CDK8: variants seen among roughly 807,000 people sequenced by gnomAD.
The protein encoded by CDK8 is cyclin-dependent kinase 8.
In CDK8, 29 loss-of-function variants were observed where a neutral mutation model predicts 71.5. That is an observed-to-expected ratio of 0.41 (90% CI 0.30 to 0.55). The LOEUF (loss-of-function observed/expected upper bound fraction) is 0.55. CDK8 is among the 20% of genes least tolerant of loss of function. The probability of loss-of-function intolerance (pLI) is 0.37; values close to 1 mark genes in which losing one functional copy is unlikely to be tolerated. For synonymous variants in CDK8, 161 were observed against 192.1 expected (o/e 0.84, Z 1.34); for missense variants, 288 against 572.6 (o/e 0.50, Z 5.07).
rs574467713 is a variant in CDK8 at position 26,309,677 on chromosome 13, G to A, written c.129-27890G>A. ...TGTTTTCCCCCAATTCTAGGCTCGA[G>A]ATACCCTTAATGTGCTGAGTACTGT... On this transcript the variant is annotated intron_variant, in intron 1 of 12. Coordinates refer to ENST00000381527, the MANE Select transcript of CDK8 (RefSeq NM_001260.3). Among the ~76,000 whole-genome samples the A allele has an allele frequency of 3.7e-4, 56 of 152,206 alleles. 2 individuals are homozygous for A. In the South Asian group the frequency reaches 8.1e-3, roughly 22 times the overall value.
intron 7 of CDK8, among the ~76,000 whole-genome samples, chr13:26,393,760 T>G (rs1328350304): frequency 6.6e-6 from 1 of 152,206 alleles, no homozygotes; most frequent in Non-Finnish European, 1.5e-5. Context: ...TACTTTTTTG[T>G]TTTGTTATTT....
In CDK8 at chr13:26,254,866, G is replaced by GCTCTGACTTCCTCGACGCCGGC; in HGVS notation, c.128+103_128+124dup. On this transcript the variant is annotated intron_variant, in intron 1 of 12. Transcript: ENST00000381527. The surrounding 1 kb of genome is among the most constrained non-coding windows in gnomAD (Gnocchi z 6.7). Reference sequence around the variant, plus strand: ...GGAGAGCGGGCCGCCGGGGTGCCGGGCTCTGACTTCCTCGACGCCGGCCTC... The same window carrying GCTCTGACTTCCTCGACGCCGGC: ...GGAGAGCGGGCCGCCGGGGTGCCGGGCTCTGACTTCCTCGACGCCGGCCTCTGACTTCCTCGACGCCGGCCTC... 6.6e-7 allele frequency: 1 copy of GCTCTGACTTCCTCGACGCCGGC among 1,510,014 alleles called. No individual in the cohort carries two copies. The highest frequency in any genetic ancestry group is 8.9e-7 in the Non-Finnish European group (1 of 1,118,050). The allele number at this position is 1,510,014 out of a possible 1,614,324, so 93.5% of individuals were successfully genotyped here.
intron 1 of CDK8, among the ~76,000 whole-genome samples, chr13:26,309,116 T>C (rs1205373801): frequency 1.3e-5 from 2 of 151,612 alleles, no homozygotes; most frequent in Non-Finnish European, 2.9e-5. Flanking sequence ...TCATCATCAT[T>C]ATATCTATAT....
chr13:26,356,476 C>G (rs1025488201), intron 4 of CDK8, among the ~76,000 whole-genome samples: 1 of 152,134 alleles, frequency 6.6e-6, no homozygotes, highest in Non-Finnish European at 1.5e-5. Flanking sequence ...GTGTGTCTCA[C>G]GCACGCAGAA....
At chr13:26,366,750 G>A (rs1172610310) in intron 4 of CDK8, among the ~76,000 whole-genome samples, 1 of 152,158 alleles carries the variant, frequency 6.6e-6, no homozygotes, top group Non-Finnish European at 1.5e-5. Flanking sequence ...TCAGGTCAGT[G>A]TAGTTTAAGA....
At chr13:26,386,624 T>C (rs1482841944) in intron 6 of CDK8, among the ~76,000 whole-genome samples, 3 of 152,230 alleles carry the variant, frequency 2.0e-5, no homozygotes, top group Admixed American at 6.5e-5. Flanking sequence ...TATGTTCTCA[T>C]GTAAATTCCT....
Position 26,289,123 on chromosome 13 carries a change from C to T in CDK8, c.128+34354C>T, listed in dbSNP as rs186530974. On this transcript the variant is annotated intron_variant, in intron 1 of 12. Transcript: ENST00000381527. ...AGGCCGGAATGCAGTGGTGTGATCTCGGCTTACTGCAACCTCTGCCTTCCG... is the reference window on the plus strand; with the variant it reads ...AGGCCGGAATGCAGTGGTGTGATCTTGGCTTACTGCAACCTCTGCCTTCCG... Among the ~76,000 whole-genome samples the T allele has an allele frequency of 3.8e-4, 52 of 137,854 alleles. No individual in the cohort carries two copies. In the Admixed American group the frequency reaches 4.0e-3, roughly 11 times the overall value. 90.4% of individuals were successfully genotyped at this position (137,854 alleles called of 152,430 possible). A position where few individuals can be genotyped will look rare whatever the true frequency, so the allele number is the denominator to read the frequency against.
intron 4 of CDK8, among the ~76,000 whole-genome samples, chr13:26,361,918 CCA>C (rs1363181878): frequency 6.6e-6 from 1 of 150,848 alleles, no homozygotes; most frequent in Non-Finnish European, 1.5e-5. Flanking sequence ...GCCTGAGCCA[CCA>C]CACACAGCCA....
At chr13:26,382,982 A>G (rs1353205665) in intron 5 of CDK8, 111 bp downstream of exon 5, 1 of 584,988 alleles carries the variant, frequency 1.7e-6, no homozygotes, top group African/African-American at 1.9e-5. Flanking sequence ...GTAGTTCCAT[A>G]TGATCGAAGC....
At chr13:26,272,360 T>C (rs1872370682) in intron 1 of CDK8, among the ~76,000 whole-genome samples, 1 of 152,118 alleles carries the variant, frequency 6.6e-6, no homozygotes, top group Non-Finnish European at 1.5e-5. Flanking sequence ...ACGTGTTTGT[T>C]ATGTTAGCCT....
intron 7 of CDK8, 31 bp downstream of exon 7, chr13:26,393,541 T>A: frequency 1.9e-6 from 3 of 1,607,928 alleles, no homozygotes; most frequent in Non-Finnish European, 2.6e-6. Context: ...TTTTTGTTTT[T>A]AAATCACTGT....
At chr13:26,372,141 G>A (rs1874721792) in intron 4 of CDK8, among the ~76,000 whole-genome samples, 1 of 152,074 alleles carries the variant, frequency 6.6e-6, no homozygotes, top group Non-Finnish European at 1.5e-5. Flanking sequence ...AAAGACACAA[G>A]TCTGCATTAA....
chr13:26,392,746 CT>C (rs1462465310), intron 6 of CDK8, among the ~76,000 whole-genome samples: 1 of 152,060 alleles, frequency 6.6e-6, no homozygotes, highest in East Asian at 1.9e-4. Flanking sequence ...GGAAAAAAAA[CT>C]TTGTTAAAGT....
intron 1 of CDK8, among the ~76,000 whole-genome samples, chr13:26,314,572 G>A (rs1222013361): frequency 6.6e-6 from 1 of 152,160 alleles, no homozygotes; most frequent in Admixed American, 6.5e-5. Context: ...TTCATTCTTA[G>A]AATTAGGTGT....
At chr13:26,333,041 G>A (rs1030927578) in intron 1 of CDK8, among the ~76,000 whole-genome samples, 5 of 152,186 alleles carry the variant, frequency 3.3e-5, no homozygotes, top group East Asian at 1.9e-4. Flanking sequence ...ATAACACACC[G>A]TTGATTCTGC....
intron 1 of CDK8, among the ~76,000 whole-genome samples, chr13:26,282,349 A>G (rs1480109343): frequency 2.0e-5 from 3 of 152,326 alleles, no homozygotes; most frequent in East Asian, 1.9e-4. Flanking sequence ...AGGAAAACCT[A>G]TCAGATTAAC....
intron 6 of CDK8, among the ~76,000 whole-genome samples, chr13:26,388,447 C>A (rs567268138): frequency 6.6e-6 from 1 of 152,268 alleles, no homozygotes; most frequent in African/African-American, 2.4e-5. Context: ...ATGTGATACA[C>A]AGAGATTTTT....
At chr13:26,392,026 G>C (rs1875767202) in intron 6 of CDK8, among the ~76,000 whole-genome samples, 1 of 152,000 alleles carries the variant, frequency 6.6e-6, no homozygotes, top group African/African-American at 2.4e-5. Flanking sequence ...TGTTCCCTTT[G>C]GTTATTTATA....
chr13:26,262,844 T>C (rs1871831904), intron 1 of CDK8, among the ~76,000 whole-genome samples: 1 of 152,152 alleles, frequency 6.6e-6, no homozygotes, highest in Admixed American at 6.5e-5. Flanking sequence ...GAGTAAAAAA[T>C]TATTTAGACT....
Sources: gnomAD v4.1 joint callset for allele counts (sites outside exome capture counted in the v4.1 genomes callset) on GRCh38, gnomAD v4.1.1 for gene constraint, Gnocchi (gnomAD v3.1) non-coding constraint, MANE v1.5 for transcripts, NCBI Gene and HGNC (gene_info 2026-07-23, HGNC 2026-07-21) for gene names.